ATP2A1: variants seen among roughly 807,000 people sequenced by gnomAD.
The protein encoded by ATP2A1 is ATPase sarcoplasmic/endoplasmic reticulum Ca2+ transporting 1.
In ATP2A1, 83 loss-of-function variants were observed where a neutral mutation model predicts 109.5. The observed-to-expected ratio is 0.76, with a 90% CI of 0.63 to 0.91. The LOEUF (loss-of-function observed/expected upper bound fraction) is 0.91. Ranked by LOEUF, ATP2A1 falls within the 40% of genes least tolerant of loss-of-function variation. ATP2A1 has a pLI of 0.00. For synonymous variants in ATP2A1, 505 were observed against 537.6 expected (o/e 0.94, Z 0.84); for missense variants, 1,101 against 1,341.0 (o/e 0.82, Z 2.80).
chr16:28,879,825 A>G, intron 3 of ATP2A1: 1 of 626,448 alleles, frequency 1.6e-6, no homozygotes. Context: ...AAGCTAAGCC[A>G]CCCTCGCGGC....
Position 28,898,589 on chromosome 16 carries a change from C to A in ATP2A1, c.1764+138C>A. On this transcript the variant is annotated intron_variant, in intron 14 of 22. Transcript: ENST00000395503. The surrounding 1 kb of genome is among the most constrained non-coding windows in gnomAD (Gnocchi z 4.0). ...GGCTCCTTAGTACAGGCCATGGAAT[C>A]ACAGGACAGTAGAGTTTCAGAGAAC... The A allele has an allele frequency of 9.6e-7, 1 of 1,038,422 alleles. No homozygotes were observed. The highest frequency in any genetic ancestry group is 1.4e-6 in the Non-Finnish European group (1 of 702,360). The allele number at this position is 1,038,422 out of a possible 1,614,324, so 64.3% of individuals were successfully genotyped here. A position where few individuals can be genotyped will look rare whatever the true frequency, so the allele number is the denominator to read the frequency against.
Position 28,887,231 on chromosome 16 carries a change from A to G in ATP2A1, c.587A>G (p.Asp196Gly). ...ATCAAACACACGGAGCCCGTTCCTG[A>G]CCCCCGAGCTGTCAACCAGGACAAG... Reference protein sequence around the residue: ...SVIKHTEPVPDPRAVNQDKKN... With the variant: ...SVIKHTEPVPGPRAVNQDKKN... Residue 196 changes from aspartate to glycine, a missense_variant, in exon 7 of 23, where the codon GAC (aspartate) becomes GGC (glycine). Transcript: ENST00000395503. The G allele has an allele frequency of 1.9e-6, 3 of 1,612,290 alleles. No homozygotes were observed. The highest frequency in any genetic ancestry group is 1.7e-6 in the Non-Finnish European group (2 of 1,179,690).
rs1963415468 is a variant in ATP2A1 at position 28,880,079 on chromosome 16, A to G, written c.219+496A>G. On this transcript the variant is annotated intron_variant, in intron 3 of 22. Coordinates refer to ENST00000395503, the MANE Select transcript of ATP2A1 (RefSeq NM_004320.6). This position sits in a 1 kb window ranked among gnomAD's most constrained non-coding sequence, Gnocchi z 4.2. ...GCGCGGCGGTGTGATGATGACTCCA[A>G]GGAGCCCGGCGCCCGGTCAGGGAGG... The G allele has an allele frequency of 3.0e-6, 3 of 999,616 alleles. No individual in the cohort carries two copies. The highest frequency in any genetic ancestry group is 9.0e-5 in the South Asian group (2 of 22,174). 61.9% of individuals were successfully genotyped at this position (999,616 alleles called of 1,614,324 possible).
Position 28,898,298 on chromosome 16 carries a change from G to T in ATP2A1, c.1611G>T (p.Leu537=). 6.2e-7 allele frequency: 1 copy of T among 1,614,230 alleles called. No individual in the cohort carries two copies. Among genetic ancestry groups the T allele is most frequent in the Non-Finnish European group, 8.5e-7 (1 of 1,180,040 alleles). ...YVRVGTTRVP[L]TGPVKEKIMA... ...GAGTTGGCACCACCCGGGTGCCACT[G>T]ACGGGGCCGGTGAAGGAAAAGATCA... The change falls in exon 14 of 23, where the codon CTG becomes CTT. Residue 537 remains leucine, a synonymous_variant. Coordinates refer to ENST00000395503, the MANE Select transcript of ATP2A1 (RefSeq NM_004320.6). The surrounding 1 kb of genome is among the most constrained non-coding windows in gnomAD (Gnocchi z 4.0).
intron 6 of ATP2A1, among the ~76,000 whole-genome samples, chr16:28,885,734 C>A (rs556466483): frequency 6.6e-6 from 1 of 152,162 alleles, no homozygotes; most frequent in African/African-American, 2.4e-5. Flanking sequence ...TAGATAGCCA[C>A]CAGCCCACCC....
chr16:28,887,304 C>G (rs375319702), intron 7 of ATP2A1, 30 bp downstream of exon 7: 9 of 1,613,440 alleles, frequency 5.6e-6, no homozygotes, highest in Non-Finnish European at 6.8e-6. Context: ...CCATCACACA[C>G]TCAGTCAAGC....
At chr16:28,881,322 A>G (rs1363111403) in intron 4 of ATP2A1, among the ~76,000 whole-genome samples, 10 of 152,228 alleles carry the variant, frequency 6.6e-5, no homozygotes, top group Non-Finnish European at 1.5e-4. Context: ...CCTGGCACAC[A>G]GTAGGAATTC....
intron 9 of ATP2A1, among the ~76,000 whole-genome samples, chr16:28,890,502 A>G (rs1346187642): frequency 6.6e-6 from 1 of 151,462 alleles, no homozygotes; most frequent in Non-Finnish European, 1.5e-5. Flanking sequence ...AAATAAAATA[A>G]AATAGGGCTA....
Position 28,898,246 on chromosome 16 carries a change from G to A in ATP2A1, c.1559G>A (p.Gly520Asp). Residue 520 changes from glycine to aspartate, a missense_variant, in exon 14 of 23, where the codon GGC becomes GAC. Gly to Asp is a moderately conservative substitution (Grantham distance 94). Coordinates refer to ENST00000395503, the MANE Select transcript of ATP2A1 (RefSeq NM_004320.6). This position sits in a 1 kb window ranked among gnomAD's most constrained non-coding sequence, Gnocchi z 4.0. ...NKMFVKGAPE[G>D]VIDRCNYVRV... ...CTGGTCTCCTAGGGTGCCCCTGAGGGCGTCATCGACCGCTGTAACTATGTG... is the reference window on the plus strand; with the variant it reads ...CTGGTCTCCTAGGGTGCCCCTGAGGACGTCATCGACCGCTGTAACTATGTG... 1 of 1,614,220 alleles carries A rather than the reference G, an allele frequency of 6.2e-7. No individual in the cohort carries two copies. The highest frequency in any genetic ancestry group is 8.5e-7 in the Non-Finnish European group (1 of 1,180,044).
At chr16:28,897,142 C>T (rs746306896) in intron 12 of ATP2A1, among the ~76,000 whole-genome samples, 27 of 152,086 alleles carry the variant, frequency 1.8e-4, no homozygotes, top group Non-Finnish European at 2.5e-4. Context: ...CAATGCTCCA[C>T]AGCAATTGCT....
At chr16:28,879,936 T>A (rs58632114) in intron 3 of ATP2A1, 4 of 950,238 alleles carry the variant, frequency 4.2e-6, no homozygotes, top group Admixed American at 5.7e-5. Context: ...ACTCCCGGCA[T>A]GCGCCGGGCG....
chr16:28,901,725 G>A, intron 15 of ATP2A1, 138 bp from the exon 16 acceptor site: 1 of 773,076 alleles, frequency 1.3e-6, no homozygotes, highest in Non-Finnish European at 2.2e-6. Flanking sequence ...GGGAGGCTGA[G>A]GCAGGAGGAT....
At chr16:28,879,980 C>A in intron 3 of ATP2A1, 1 of 1,018,546 alleles carries the variant, frequency 9.8e-7, no homozygotes, top group South Asian at 4.0e-5. Flanking sequence ...CGCCCGTCGG[C>A]GCCCCTGCCC....
chr16:28,897,967 AGGACT>A lies in ATP2A1; in HGVS notation c.1420-30_1420-26del, dbSNP rs769848398. Reference sequence around the variant, plus strand: ...CCAGATTCTTTTTGACCATTTTAAGAGGACTGGTCTCCCCTCCCTGTCTCCTCTCC... The same window carrying A: ...CCAGATTCTTTTTGACCATTTTAAGAGGTCTCCCCTCCCTGTCTCCTCTCC... On this transcript the variant is annotated intron_variant, in intron 12 of 22. Transcript: ENST00000395503. 1.9e-6 allele frequency: 3 copies of A among 1,613,630 alleles called. No homozygotes were observed. In the South Asian group the frequency reaches 3.3e-5, roughly 18 times the overall value.
At position 28,898,402 on chromosome 16, in the gene ATP2A1, A is replaced by C. The variant is rs1388731508; in HGVS notation, c.1715A>C (p.Lys572Thr). The C allele has an allele frequency of 6.2e-7, 1 of 1,614,180 alleles. No individual in the cohort carries two copies. Among genetic ancestry groups the C allele is most frequent in the Non-Finnish European group, 8.5e-7 (1 of 1,180,024 alleles). The change falls in exon 14 of 23, where the codon AAG (lysine) becomes ACG (threonine). Residue 572 changes from lysine (K) to threonine (T), a missense_variant. By Grantham distance (78) the Lys-to-Thr change is moderately conservative. Coordinates refer to ENST00000395503, the MANE Select transcript of ATP2A1 (RefSeq NM_004320.6). The surrounding 1 kb of genome is among the most constrained non-coding windows in gnomAD (Gnocchi z 4.0). ...LALATRDTPP[K>T]REEMVLDDSA... ...CTGGCCACCCGGGACACCCCCCCGA[A>C]GCGAGAGGAAATGGTCCTGGATGAC...
At chr16:28,878,872 C>T in intron 1 of ATP2A1, 83 bp downstream of exon 1, 2 of 1,468,746 alleles carry the variant, frequency 1.4e-6, no homozygotes, top group East Asian at 4.5e-5. Flanking sequence ...ACGCGTTTCT[C>T]CCTTCAGGGT....
Position 28,880,237 on chromosome 16 carries a change from G to T in ATP2A1, c.219+654G>T. 1.5e-6 allele frequency: 1 copy of T among 673,620 alleles called. No homozygotes were observed. The highest frequency in any genetic ancestry group is 1.8e-6 in the Non-Finnish European group (1 of 542,280). The allele number at this position is 673,620 out of a possible 1,614,324, so 41.7% of individuals were successfully genotyped here. A position where few individuals can be genotyped will look rare whatever the true frequency, so the allele number is the denominator to read the frequency against. ...CCCTGGGGGCTACTCCCCATCCCGC[G>T]GTCCATCTGCATGTCGCGGGTTCTT... On this transcript the variant is annotated intron_variant, in intron 3 of 22. Transcript: ENST00000395503. This position sits in a 1 kb window ranked among gnomAD's most constrained non-coding sequence, Gnocchi z 4.2.
intron 3 of ATP2A1, chr16:28,879,946 G>A (rs905815762): frequency 5.1e-6 from 5 of 981,288 alleles, no homozygotes; most frequent in Non-Finnish European, 6.1e-6. Context: ...TGCGCCGGGC[G>A]GACGGCCGCT....
chr16:28,882,733 C>T (rs147625255), intron 5 of ATP2A1, 144 bp downstream of exon 5: 227 of 1,309,708 alleles, frequency 1.7e-4, no homozygotes, highest in Non-Finnish European at 2.3e-4. Context: ...AAGGTCATCC[C>T]AGGCCACTCC....
Sources: allele counts gnomAD v4.1 joint callset (sites outside exome capture counted in the v4.1 genomes callset), GRCh38; gene constraint gnomAD v4.1.1; non-coding constraint Gnocchi (gnomAD v3.1); transcripts MANE v1.5; gene names NCBI Gene and HGNC (gene_info 2026-07-23, HGNC 2026-07-21).